The following LCOR variants were observed in gnomAD, a reference collection of about 807,000 sequenced individuals.
The protein encoded by LCOR is ligand dependent nuclear receptor corepressor.
LCOR carries 14 observed loss-of-function variants against 64.4 expected under a neutral mutation model. That is an observed-to-expected ratio of 0.22 (90% CI 0.14 to 0.34). The LOEUF (loss-of-function observed/expected upper bound fraction) is 0.34, where lower values mean the gene tolerates loss of function less well. Among genes scored for constraint, LCOR ranks in the 10% least tolerant of loss-of-function variants. LCOR has a pLI of 1.00. For missense variants in LCOR, 1,686 were observed against 1,765.3 expected, an observed-to-expected ratio of 0.96 and a Z score of 0.80; for synonymous variants, 643 against 642.5, an observed-to-expected ratio of 1.00 and a Z score of -0.01.
At chr10:96,940,303 A>ATTTTTT (rs552752409) in intron 4 of LCOR, among the ~76,000 whole-genome samples, 67 of 65,448 alleles carry the variant, frequency 1.0e-3, no homozygotes, top group Non-Finnish European at 1.5e-3. Flanking sequence ...GGTGGTCATG[A>ATTTTTT]TTTTTTTTTT....
intron 2 of LCOR, 49 bp from the exon 3 acceptor site, chr10:96,907,216 A>C: frequency 1.7e-6 from 1 of 587,892 alleles, no homozygotes; most frequent in Non-Finnish European, 2.1e-6. Flanking sequence ...ATTATTCAAT[A>C]CTAGAATGAA....
chr10:96,938,512 G>A (rs370020200), intron 4 of LCOR, among the ~76,000 whole-genome samples: 4 of 151,218 alleles, frequency 2.6e-5, no homozygotes, highest in East Asian at 2.0e-4. Flanking sequence ...TACATCCACC[G>A]TTGTACATGA....
intron 2 of LCOR, among the ~76,000 whole-genome samples, chr10:96,898,903 T>C (rs371761113): frequency 1.3e-5 from 2 of 152,130 alleles, no homozygotes; most frequent in African/African-American, 2.4e-5. Context: ...AGATAAGAGA[T>C]AGTGAAAACC....
intron 7 of LCOR, among the ~76,000 whole-genome samples, chr10:96,965,610 T>A (rs1354884590): frequency 7.5e-6 from 1 of 133,894 alleles, no homozygotes; most frequent in South Asian, 2.3e-4. Context: ...TGCAGTGAGC[T>A]GAGATCGCGC....
At chr10:96,956,139 G>C (rs1847769455) in intron 7 of LCOR, 1 of 1,357,824 alleles carries the variant, frequency 7.4e-7, no homozygotes, top group Admixed American at 3.3e-5. Flanking sequence ...TTGGCCTTTT[G>C]CATGTTTCTC....
At chr10:96,922,985 A>G (rs533586796) in intron 4 of LCOR, among the ~76,000 whole-genome samples, 6 of 152,234 alleles carry the variant, frequency 3.9e-5, no homozygotes, top group Non-Finnish European at 8.8e-5. Context: ...ACGTTGACAT[A>G]TGGCAAAGAT....
At chr10:96,955,286 T>G (rs2134533506) in intron 7 of LCOR, 1 of 1,614,100 alleles carries the variant, frequency 6.2e-7, no homozygotes, top group East Asian at 2.2e-5. Flanking sequence ...GTGACCTTCC[T>G]TTTCTTGCAG....
chr10:96,941,315 G>T, intron 4 of LCOR, among the ~76,000 whole-genome samples: 1 of 143,690 alleles, frequency 7.0e-6, no homozygotes, highest in Non-Finnish European at 1.5e-5. Flanking sequence ...TCCCGGACGG[G>T]GCGGCTGGCC....
chr10:96,945,083 T>C (rs575126236), intron 5 of LCOR, among the ~76,000 whole-genome samples: 1 of 152,362 alleles, frequency 6.6e-6, no homozygotes, highest in South Asian at 2.1e-4. Context: ...TGGTGGTTAC[T>C]GTGATGGGTT....
At chr10:96,854,939 A>G (rs1845778520) in intron 2 of LCOR, among the ~76,000 whole-genome samples, 1 of 152,158 alleles carries the variant, frequency 6.6e-6, no homozygotes, top group African/African-American at 2.4e-5. Flanking sequence ...CCTACTGAAT[A>G]TCTTGTTTTA....
intron 2 of LCOR, among the ~76,000 whole-genome samples, chr10:96,885,553 ATTTT>A (rs144687202): frequency 1.6e-3 from 184 of 117,752 alleles, no homozygotes; most frequent in African/African-American, 5.8e-3. Context: ...GGCTAATTGA[ATTTT>A]TTTTTTTTTT....
chr10:96,850,644 C>G (rs1488361160), intron 2 of LCOR, among the ~76,000 whole-genome samples: 1 of 152,052 alleles, frequency 6.6e-6, no homozygotes, highest in Non-Finnish European at 1.5e-5. Flanking sequence ...GCCACCAGGT[C>G]TTGCTATGTT....
chr10:96,892,557 G>A (rs984821700), intron 2 of LCOR, among the ~76,000 whole-genome samples: 3 of 151,988 alleles, frequency 2.0e-5, no homozygotes, highest in Admixed American at 1.3e-4. Context: ...GATCTCTCTT[G>A]GTGCCTCTTT....
intron 2 of LCOR, among the ~76,000 whole-genome samples, chr10:96,852,932 A>G (rs915523800): frequency 5.9e-5 from 9 of 152,200 alleles, no homozygotes; most frequent in African/African-American, 1.9e-4. Context: ...ATTTTAAAAC[A>G]TCTAAACTTT....
intron 4 of LCOR, among the ~76,000 whole-genome samples, chr10:96,938,103 A>T (rs1847383696): frequency 6.6e-6 from 1 of 152,080 alleles, no homozygotes; most frequent in Non-Finnish European, 1.5e-5. Context: ...GATGTGCACC[A>T]CCATGCCCAG....
intron 2 of LCOR, among the ~76,000 whole-genome samples, chr10:96,891,049 T>C (rs1386907183): frequency 6.6e-6 from 1 of 152,192 alleles, no homozygotes; most frequent in African/African-American, 2.4e-5. Flanking sequence ...ATTTATGGGA[T>C]GAGTTTGGAA....
At chr10:96,895,183 A>G (rs193183712) in intron 2 of LCOR, among the ~76,000 whole-genome samples, 2 of 152,130 alleles carry the variant, frequency 1.3e-5, no homozygotes, top group South Asian at 2.1e-4. Flanking sequence ...TCATAGATCT[A>G]CTTTGATTTC....
chr10:96,952,254 G>T, intron 7 of LCOR, 58 bp downstream of exon 7: 2 of 1,155,132 alleles, frequency 1.7e-6, no homozygotes, highest in African/African-American at 1.5e-5. Context: ...ATCAAAGGTT[G>T]ATGCCAGTCT....
chr10:96,938,282 G>T (rs1847387720), intron 4 of LCOR, among the ~76,000 whole-genome samples: 1 of 152,164 alleles, frequency 6.6e-6, no homozygotes, highest in African/African-American at 2.4e-5. Context: ...AATACAATGT[G>T]TTAATAGAGT....
Sources: gnomAD v4.1 joint callset for allele counts (sites outside exome capture counted in the v4.1 genomes callset) on GRCh38, gnomAD v4.1.1 for gene constraint, MANE v1.5 for transcripts, NCBI Gene and HGNC (gene_info 2026-07-23, HGNC 2026-07-21) for gene names.